The following TMEM116 variants were observed in gnomAD, a reference collection of about 807,000 sequenced individuals.
TMEM116 encodes the protein transmembrane protein 116.
TMEM116 carries 38 observed loss-of-function variants against 44.3 expected under a neutral mutation model. The ratio of observed to expected loss-of-function variants is 0.86; its 90% CI spans 0.66 to 1.12. TMEM116 has a LOEUF of 1.12. TMEM116 is among the 50% of genes most tolerant of loss of function. The probability of loss-of-function intolerance (pLI) is 0.00; values close to 1 mark genes in which losing one functional copy is unlikely to be tolerated. For missense variants in TMEM116, 354 were observed against 401.7 expected (o/e 0.88, Z 1.01); for synonymous variants, 132 against 144.8 (o/e 0.91, Z 0.64).
intron 1 of TMEM116, among the ~76,000 whole-genome samples, chr12:112,008,842 G>T (rs1262139184): frequency 3.9e-5 from 6 of 151,990 alleles, no homozygotes; most frequent in Non-Finnish European, 7.4e-5. Flanking sequence ...AGGCATGGTG[G>T]TGGGTGCCTG....
Position 111,938,146 on chromosome 12 carries a change from A to C in TMEM116, c.365+15T>G. The C allele has an allele frequency of 6.3e-7, 1 of 1,583,674 alleles. No individual in the cohort carries two copies. Among genetic ancestry groups the C allele is most frequent in the Non-Finnish European group, 8.6e-7 (1 of 1,160,982 alleles). On this transcript the variant is annotated intron_variant, in intron 6 of 10. Transcript: ENST00000552374. ...AGAGTCTACACCTCGCTAAGAAGTA[A>C]AGAAAAAATTTTACCTTGAGAAAAC...
intron 5 of TMEM116, among the ~76,000 whole-genome samples, chr12:111,939,281 T>C (rs532393050): frequency 1.3e-5 from 2 of 152,016 alleles, no homozygotes; most frequent in South Asian, 2.1e-4. Context: ...AGTGAAACCC[T>C]GTCTCTACTA....
At chr12:111,951,949 G>T (rs1593349748) in intron 4 of TMEM116, among the ~76,000 whole-genome samples, 1 of 151,796 alleles carries the variant, frequency 6.6e-6, no homozygotes, top group East Asian at 2.0e-4. Context: ...CGGTGGCTTG[G>T]CCGGGTGCGG....
At chr12:111,989,557 G>A (rs572463461) in intron 4 of TMEM116, among the ~76,000 whole-genome samples, 2 of 152,178 alleles carry the variant, frequency 1.3e-5, no homozygotes, top group Non-Finnish European at 2.9e-5. Flanking sequence ...TTGCCTGCTA[G>A]ATAAAATATT....
intron 1 of TMEM116, chr12:112,005,846 A>C: frequency 1.1e-6 from 1 of 899,696 alleles, no homozygotes; most frequent in Non-Finnish European, 1.3e-6. Context: ...AGAGAAACTG[A>C]AGAAAAGTTA....
intron 4 of TMEM116, among the ~76,000 whole-genome samples, chr12:111,969,320 C>CAAAA (rs540048259): frequency 1.2e-5 from 1 of 86,816 alleles, no homozygotes; most frequent in Admixed American, 1.2e-4. Flanking sequence ...CGCTCCATCT[C>CAAAA]AAAAAAAAAA....
intron 4 of TMEM116, chr12:111,965,754 T>G (rs2136421006): frequency 2.6e-6 from 1 of 384,564 alleles, no homozygotes; most frequent in South Asian, 1.9e-5. Context: ...CGAAACCCCG[T>G]CTCCCCTAAA....
At chr12:111,999,465 G>A (rs759952102) in intron 3 of TMEM116, among the ~76,000 whole-genome samples, 10 of 151,652 alleles carry the variant, frequency 6.6e-5, no homozygotes, top group South Asian at 4.2e-4. Flanking sequence ...GCATGCTGGC[G>A]CATGCCTGTA....
intron 4 of TMEM116, among the ~76,000 whole-genome samples, chr12:111,961,242 G>A (rs2074568197): frequency 2.0e-5 from 3 of 152,110 alleles, no homozygotes; most frequent in African/African-American, 7.2e-5. Flanking sequence ...TTCTACCAGA[G>A]GTACAAAGGG....
chr12:111,995,352 A>G (rs1455827135), intron 3 of TMEM116, among the ~76,000 whole-genome samples: 2 of 152,284 alleles, frequency 1.3e-5, no homozygotes, highest in East Asian at 3.9e-4. Context: ...TGGAAAAGAG[A>G]CAGTCTTTTC....
At chr12:112,010,254 A>G (rs1004388577) in intron 1 of TMEM116, among the ~76,000 whole-genome samples, 1 of 152,100 alleles carries the variant, frequency 6.6e-6, no homozygotes, top group South Asian at 2.1e-4. Flanking sequence ...TCACCACCTC[A>G]GTTCATAGTT....
chr12:111,940,565 G>GTATATATATATATATATATATATATATA (rs1182152145), intron 5 of TMEM116, among the ~76,000 whole-genome samples: 1 of 127,944 alleles, frequency 7.8e-6, no homozygotes, highest in African/African-American at 3.0e-5. Flanking sequence ...ATATATATGT[G>GTATATATATATATATATATATATATATA]TGTATATATA....
chr12:111,979,271 TTA>T (rs564082557), intron 4 of TMEM116, among the ~76,000 whole-genome samples: 37 of 150,918 alleles, frequency 2.5e-4, no homozygotes, highest in East Asian at 9.7e-4. Flanking sequence ...TGTATACATA[TTA>T]TATATATATA....
chr12:112,004,469 T>G (rs1288500076), intron 2 of TMEM116, among the ~76,000 whole-genome samples: 2 of 152,036 alleles, frequency 1.3e-5, no homozygotes, highest in African/African-American at 4.8e-5. Context: ...AAATTTTTTG[T>G]AGAGACAGGG....
intron 9 of TMEM116, among the ~76,000 whole-genome samples, chr12:111,933,515 G>A (rs1324342213): frequency 2.1e-5 from 3 of 144,388 alleles, no homozygotes; most frequent in Admixed American, 7.0e-5. Context: ...TTGAGATGGA[G>A]TCTCGCCCTG....
intron 4 of TMEM116, among the ~76,000 whole-genome samples, chr12:111,983,695 C>A (rs975727409): frequency 1.3e-5 from 2 of 151,922 alleles, no homozygotes; most frequent in Non-Finnish European, 2.9e-5. Flanking sequence ...AAAAAATTTC[C>A]CCAAACACAA....
intron 4 of TMEM116, among the ~76,000 whole-genome samples, chr12:111,953,233 C>T (rs1238796211): frequency 6.6e-6 from 1 of 152,152 alleles, no homozygotes; most frequent in East Asian, 1.9e-4. Context: ...TCAAATGTGA[C>T]TAAAAGAGTT....
chr12:112,008,491 A>G (rs1200347402), intron 1 of TMEM116, among the ~76,000 whole-genome samples: 1 of 151,866 alleles, frequency 6.6e-6, no homozygotes. Context: ...AAAAAAAAAA[A>G]ACCTCCTTAG....
chr12:112,002,732 T>C (rs2077331832), intron 3 of TMEM116, among the ~76,000 whole-genome samples: 1 of 152,214 alleles, frequency 6.6e-6, no homozygotes, highest in African/African-American at 2.4e-5. Flanking sequence ...AGATAAAGTA[T>C]GTAAAGCACT....
Sources: allele counts gnomAD v4.1 joint callset (sites outside exome capture counted in the v4.1 genomes callset), GRCh38; gene constraint gnomAD v4.1.1; transcripts MANE v1.5; gene names NCBI Gene and HGNC (gene_info 2026-07-23, HGNC 2026-07-21).